SOX6: variants seen among roughly 807,000 people sequenced by gnomAD.
SOX6 encodes transcription factor SOX-6.
A neutral mutation model predicts 97.8 loss-of-function variants in SOX6; 11 were observed. The observed-to-expected ratio is 0.11, with a 90% confidence interval of 0.07 to 0.19. The LOEUF is 0.19. Ranked by LOEUF, SOX6 falls within the 10% of genes least tolerant of loss-of-function variation. The pLI, the probability that SOX6 is intolerant of heterozygous loss-of-function variation, is 1.00. For synonymous variants in SOX6, 360 were observed against 371.4 expected (o/e 0.97, Z 0.35); for missense variants, 810 against 1,039.5 (o/e 0.78, Z 3.04).
chr11:16,217,106 T>A (rs1190144543), intron 4 of SOX6, among the ~76,000 whole-genome samples: 2 of 152,222 alleles, frequency 1.3e-5, no homozygotes, highest in Non-Finnish European at 2.9e-5. Flanking sequence ...GTCGTGCCCA[T>A]TTCATTTTCT....
chr11:16,339,122 C>A (rs1002812430), intron 2 of SOX6, among the ~76,000 whole-genome samples: 1 of 152,070 alleles, frequency 6.6e-6, no homozygotes, highest in Non-Finnish European at 1.5e-5. Context: ...TCATCTCTCA[C>A]CTAGACTTCT....
chr11:16,310,298 G>A (rs1855561419), intron 3 of SOX6, among the ~76,000 whole-genome samples: 1 of 151,910 alleles, frequency 6.6e-6, no homozygotes, highest in Non-Finnish European at 1.5e-5. Flanking sequence ...GGTAATATGA[G>A]AGGAAGACCA....
chr11:16,502,995 G>A (rs546903583), intron 4 of SOX6, among the ~76,000 whole-genome samples: 9 of 152,146 alleles, frequency 5.9e-5, no homozygotes, highest in Non-Finnish European at 7.4e-5. Flanking sequence ...AAGCACCCCC[G>A]TCAAACTAAT....
chr11:16,079,179 A>G (rs891381656), intron 9 of SOX6, among the ~76,000 whole-genome samples: 3 of 152,174 alleles, frequency 2.0e-5, no homozygotes, highest in Non-Finnish European at 4.4e-5. Context: ...CTTGAAAAAT[A>G]ATGTACACTG....
At chr11:16,132,037 C>A (rs1277119382) in intron 6 of SOX6, among the ~76,000 whole-genome samples, 1 of 151,510 alleles carries the variant, frequency 6.6e-6, no homozygotes, top group Non-Finnish European at 1.5e-5. Flanking sequence ...ATTTATATAT[C>A]CATAAAGCAG....
intron 3 of SOX6, among the ~76,000 whole-genome samples, chr11:16,685,166 C>T (rs1176060382): frequency 6.6e-6 from 1 of 152,042 alleles, no homozygotes; most frequent in African/African-American, 2.4e-5. Context: ...TCATTCCATT[C>T]CTGGCCCCTC....
chr11:16,385,389 T>C (rs1490921257), intron 1 of SOX6, among the ~76,000 whole-genome samples: 2 of 152,076 alleles, frequency 1.3e-5, no homozygotes, highest in African/African-American at 4.8e-5. Flanking sequence ...GAGGCATCTA[T>C]ATTTTATAAT....
At position 16,278,028 on chromosome 11, in the gene SOX6, C is replaced by T. The variant is rs115650229; in HGVS notation, c.445+40418G>A. Among the ~76,000 whole-genome samples, 830 of 152,158 alleles carry T rather than the reference C, an allele frequency of 5.5e-3. 12 individuals are homozygous for T. Among genetic ancestry groups the T allele is most frequent in the African/African-American group, 0.019 (793 of 41,518 alleles). ...AGAAAGTACTTGATAAAAGTCACAG[C>T]CTATATATATATTTCTCTCTTAGTG... On this transcript the variant is annotated intron_variant, in intron 3 of 15. Transcript: ENST00000683767.
chr11:16,509,971 C>T (rs1860851630), intron 4 of SOX6, among the ~76,000 whole-genome samples: 1 of 152,116 alleles, frequency 6.6e-6, no homozygotes, highest in East Asian at 1.9e-4. Flanking sequence ...TTTATCGTGG[C>T]TTTTACGAAT....
upstream of SOX6, among the ~76,000 whole-genome samples, chr11:16,357,354 A>G (rs1857101077): frequency 6.6e-6 from 1 of 152,162 alleles, no homozygotes; most frequent in South Asian, 2.1e-4. Flanking sequence ...CTCCTCAACT[A>G]GAAATACGAT....
chr11:16,536,060 T>C (rs1861303898), intron 4 of SOX6, among the ~76,000 whole-genome samples: 1 of 152,232 alleles, frequency 6.6e-6, no homozygotes, highest in Admixed American at 6.5e-5. Flanking sequence ...CACCCTCACA[T>C]GAGGGGACTA....
At chr11:16,501,406 A>G (rs185026832) in intron 4 of SOX6, among the ~76,000 whole-genome samples, 18 of 152,344 alleles carry the variant, frequency 1.2e-4, no homozygotes, top group African/African-American at 1.7e-4. Flanking sequence ...ATGGGCAAGA[A>G]CTTCGTGTCT....
intron 4 of SOX6, among the ~76,000 whole-genome samples, chr11:16,498,727 G>A (rs890188405): frequency 1.4e-4 from 22 of 152,068 alleles, no homozygotes; most frequent in Non-Finnish European, 2.5e-4. Context: ...ATTACATAAT[G>A]GTAAAAGGAT....
rs79815964 is a variant in SOX6, at chr11:16,630,391, T to A, written n.430-18131A>T. ...AAGTTGTTTCATTTCCTTATAAGTG[T>A]GTGTTTTTGAGGGATCTTCTTGGTA... On this transcript the variant is annotated intron_variant and non_coding_transcript_variant, in intron 3 of 5. Transcript: ENST00000524520. Among the ~76,000 whole-genome samples the A allele has an allele frequency of 8.5e-4, 130 of 152,300 alleles. 3 individuals carry two copies. The East Asian group carries it at 0.024, about 28-fold the overall frequency.
In SOX6 at chr11:16,287,257, G is replaced by GTCTC. The variant is rs56921161; in HGVS notation, c.445+31185_445+31188dup. Among the ~76,000 whole-genome samples, 343 of 120,480 alleles carry GTCTC rather than the reference G, an allele frequency of 2.8e-3. 7 individuals are homozygous for GTCTC. The highest frequency in any genetic ancestry group is 0.011 in the African/African-American group (336 of 30,462). The allele number at this position is 120,480 out of a possible 152,430, so 79.0% of individuals were successfully genotyped here. ...TCTCCTTTTAATCTCTCTTCTCTCT[G>GTCTC]TCTCTCTCTCTCTCTCTCTCTCTCT... On this transcript the variant is annotated intron_variant, in intron 3 of 15. Transcript: ENST00000683767.
intron 7 of SOX6, among the ~76,000 whole-genome samples, chr11:16,109,353 A>G (rs537932515): frequency 6.6e-6 from 1 of 152,170 alleles, no homozygotes; most frequent in East Asian, 1.9e-4. Flanking sequence ...GGTGAACACC[A>G]CCATGCTTTG....
chr11:16,107,833 G>A lies in SOX6; in HGVS notation c.898+3970C>T, dbSNP rs750386507. On this transcript the variant is annotated intron_variant, in intron 7 of 15. Coordinates refer to ENST00000683767, the MANE Select transcript of SOX6 (RefSeq NM_001367873.1). Reference sequence around the variant, plus strand: ...TACTGCAATAAAAAAGAAACATTAGGTATACTTGTAAAATTGTTTTTGGTC... The same window carrying A: ...TACTGCAATAAAAAAGAAACATTAGATATACTTGTAAAATTGTTTTTGGTC... Among the ~76,000 whole-genome samples, 43 of 152,000 alleles carry A rather than the reference G, an allele frequency of 2.8e-4. 1 individual carries two copies. Among genetic ancestry groups the A allele is most frequent in the Non-Finnish European group, 1.8e-4 (12 of 67,996 alleles).
At chr11:16,451,866 C>CA (rs904222128) in intron 1 of SOX6, among the ~76,000 whole-genome samples, 18 of 151,266 alleles carry the variant, frequency 1.2e-4, no homozygotes, top group African/African-American at 3.9e-4. Flanking sequence ...AACCCCACCT[C>CA]AAAAAAAAAT....
intron 3 of SOX6, chr11:16,646,000 G>C (rs529549463): frequency 6.6e-6 from 1 of 152,164 alleles, no homozygotes; most frequent in South Asian, 2.1e-4. Context: ...TCTGTGTGTT[G>C]GCTGTGACTC....
Sources: allele counts gnomAD v4.1 joint callset (sites outside exome capture counted in the v4.1 genomes callset), GRCh38; gene constraint gnomAD v4.1.1; transcripts MANE v1.5; gene names NCBI Gene and HGNC (gene_info 2026-07-23, HGNC 2026-07-21).